The following QKI variants were observed in gnomAD, a reference collection of about 807,000 sequenced individuals.
The protein encoded by QKI is QKI, KH domain containing RNA binding.
Under a neutral mutation model 39.0 loss-of-function variants are expected in QKI, and 10 were observed. That is an observed-to-expected ratio of 0.26 (90% CI 0.16 to 0.43). The LOEUF (loss-of-function observed/expected upper bound fraction) is 0.43. QKI is among the 20% of genes least tolerant of loss of function. QKI has a pLI of 1.00. For synonymous variants in QKI, 204 were observed against 155.4 expected (o/e 1.31, Z -2.33); for missense variants, 218 against 428.0 (o/e 0.51, Z 4.33).
intron 6 of QKI, chr6:163,566,229 T>C: frequency 1.6e-6 from 2 of 1,285,450 alleles, no homozygotes; most frequent in Non-Finnish European, 2.0e-6. Context: ...ACTAATCACC[T>C]AATTCATTGC....
intron 1 of QKI, among the ~76,000 whole-genome samples, chr6:163,442,326 A>G (rs979331964): frequency 1.3e-5 from 2 of 152,162 alleles, no homozygotes; most frequent in Admixed American, 1.3e-4. Context: ...TTTAGTTTTA[A>G]TTTCTAGCGT....
chr6:163,567,912 C>T (rs1783464361), intron 7 of QKI: 1 of 985,474 alleles, frequency 1.0e-6, no homozygotes, highest in East Asian at 1.1e-4. Context: ...AAATACTAGA[C>T]ACAGCTGTTG....
At chr6:163,517,094 T>TCTCTCTCTCTCTCTCTAG (rs796976137) in intron 3 of QKI, among the ~76,000 whole-genome samples, 37 of 149,542 alleles carry the variant, frequency 2.5e-4, no homozygotes, top group African/African-American at 7.4e-4. Context: ...TCTCTCTCTC[T>TCTCTCTCTCTCTCTCTAG]CTCTCTCTAG....
chr6:163,442,174 T>G (rs887069837), intron 1 of QKI, among the ~76,000 whole-genome samples: 3 of 150,798 alleles, frequency 2.0e-5, no homozygotes, highest in African/African-American at 7.3e-5. Flanking sequence ...AACAGACATT[T>G]AAAAGATTGC....
At chr6:163,486,263 G>C (rs1777671626) in intron 3 of QKI, among the ~76,000 whole-genome samples, 1 of 152,190 alleles carries the variant, frequency 6.6e-6, no homozygotes, top group African/African-American at 2.4e-5. Context: ...AATCATTCTT[G>C]TCAGAATGTG....
At chr6:163,517,072 TC>T (rs1355621933) in intron 3 of QKI, among the ~76,000 whole-genome samples, 6 of 61,384 alleles carry the variant, frequency 9.8e-5, no homozygotes, top group South Asian at 6.5e-4. Context: ...TCTCTCTCTC[TC>T]TCTCTCTTTC....
At chr6:163,421,733 T>C (rs1346227203) in intron 1 of QKI, among the ~76,000 whole-genome samples, 1 of 151,940 alleles carries the variant, frequency 6.6e-6, no homozygotes, top group Admixed American at 6.6e-5. Flanking sequence ...GAAACTAAGC[T>C]CTTTTATTTC....
chr6:163,564,943 A>C, intron 6 of QKI: 1 of 1,336,874 alleles, frequency 7.5e-7, no homozygotes, highest in African/African-American at 1.5e-5. Flanking sequence ...GAAAATCTTT[A>C]ATGAACTGGA....
chr6:163,440,651 G>T (rs970485103), intron 1 of QKI, among the ~76,000 whole-genome samples: 1 of 152,212 alleles, frequency 6.6e-6, no homozygotes, highest in Non-Finnish European at 1.5e-5. Context: ...GTGTTATGAA[G>T]TATGTTTAGA....
intron 1 of QKI, among the ~76,000 whole-genome samples, chr6:163,418,538 A>T (rs1787730003): frequency 1.3e-5 from 2 of 152,054 alleles, no homozygotes. Context: ...TCTTCCACTG[A>T]AGTATCTTCA....
At chr6:163,541,981 T>C (rs1045482562) in intron 4 of QKI, among the ~76,000 whole-genome samples, 2 of 151,964 alleles carry the variant, frequency 1.3e-5, no homozygotes, top group Non-Finnish European at 2.9e-5. Context: ...GGCTGGTTAC[T>C]TGCAACTGCA....
chr6:163,539,886 CT>C (rs1048870720), intron 4 of QKI, among the ~76,000 whole-genome samples: 1 of 151,696 alleles, frequency 6.6e-6, no homozygotes, highest in Non-Finnish European at 1.5e-5. Flanking sequence ...TTCTAATAGG[CT>C]TTTTTTTAAA....
chr6:163,442,749 A>G (rs1256737481), intron 1 of QKI, among the ~76,000 whole-genome samples: 1 of 152,152 alleles, frequency 6.6e-6, no homozygotes, highest in Non-Finnish European at 1.5e-5. Context: ...AATGTATCAG[A>G]TAGGTTGAGA....
chr6:163,558,950 C>T (rs1201860808), intron 4 of QKI, among the ~76,000 whole-genome samples: 1 of 152,216 alleles, frequency 6.6e-6, no homozygotes, highest in African/African-American at 2.4e-5. Context: ...AGGATCTCCT[C>T]CTATGCCACT....
chr6:163,447,130 A>G (rs1229236784), intron 1 of QKI, among the ~76,000 whole-genome samples: 1 of 152,104 alleles, frequency 6.6e-6, no homozygotes, highest in Non-Finnish European at 1.5e-5. Flanking sequence ...TCCTCTATGA[A>G]ACTCTTAAGT....
intron 4 of QKI, among the ~76,000 whole-genome samples, chr6:163,537,037 C>T (rs563121209): frequency 1.3e-5 from 2 of 152,148 alleles, no homozygotes; most frequent in African/African-American, 2.4e-5. Context: ...AGCAAGACCC[C>T]TTTATACAAA....
intron 3 of QKI, among the ~76,000 whole-genome samples, chr6:163,509,158 AGTC>A (rs1779284626): frequency 6.6e-6 from 1 of 152,106 alleles, no homozygotes; most frequent in African/African-American, 2.4e-5. Flanking sequence ...TCAATCAGTC[AGTC>A]AATCAATCAA....
intron 4 of QKI, among the ~76,000 whole-genome samples, chr6:163,539,945 CTATT>C (rs897162949): frequency 1.3e-5 from 2 of 151,504 alleles, no homozygotes; most frequent in Non-Finnish European, 2.9e-5. Context: ...GTTCTTATAA[CTATT>C]TGTTATTTAG....
At chr6:163,448,938 ATTG>A (rs1175639220) in intron 1 of QKI, among the ~76,000 whole-genome samples, 1 of 152,100 alleles carries the variant, frequency 6.6e-6, no homozygotes, top group African/African-American at 2.4e-5. Context: ...TACAGAAGAG[ATTG>A]TTGTTAACCC....
Sources: gnomAD v4.1 joint callset for allele counts (sites outside exome capture counted in the v4.1 genomes callset) on GRCh38, gnomAD v4.1.1 for gene constraint, MANE v1.5 for transcripts, NCBI Gene and HGNC (gene_info 2026-07-23, HGNC 2026-07-21) for gene names.